Variants in PCDHGA7 observed in about 807,000 individuals in gnomAD.
PCDHGA7 encodes protocadherin gamma subfamily A, 7.
A neutral mutation model predicts 58.3 loss-of-function variants in PCDHGA7; 44 were observed. The observed-to-expected ratio is 0.75, with a 90% CI of 0.59 to 0.97. The LOEUF is 0.97. Ranked by LOEUF, PCDHGA7 falls within the 50% of genes least tolerant of loss-of-function variation. The pLI, the probability that PCDHGA7 is intolerant of heterozygous loss-of-function variation, is 0.00. For synonymous variants in PCDHGA7, 516 were observed against 504.2 expected (o/e 1.02, Z -0.31); for missense variants, 1,266 against 1,188.7 (o/e 1.06, Z -0.96).
intron 1 of PCDHGA7, chr5:141,415,040 CG>C (rs878992043): frequency 6.2e-7 from 1 of 1,613,520 alleles, no homozygotes; most frequent in East Asian, 2.2e-5. Flanking sequence ...GGACTCTTCG[CG>C]GTGGGGGAGC....
chr5:141,418,513 G>A (rs377653202), intron 1 of PCDHGA7: 1 of 1,613,960 alleles, frequency 6.2e-7, no homozygotes, highest in Non-Finnish European at 8.5e-7. Flanking sequence ...TAGATGGTGG[G>A]GACCCTCCCC....
chr5:141,488,634 G>A (rs937680420), intron 1 of PCDHGA7, among the ~76,000 whole-genome samples: 4 of 152,150 alleles, frequency 2.6e-5, no homozygotes, highest in Non-Finnish European at 4.4e-5. Context: ...CACCTTAGCA[G>A]CATTCAGCAG....
chr5:141,415,690 G>C (rs1218128531), intron 1 of PCDHGA7: 4 of 1,512,972 alleles, frequency 2.6e-6, no homozygotes, highest in Non-Finnish European at 3.6e-6. Context: ...CATGATGGTG[G>C]AAAGTGTAAA....
intron 1 of PCDHGA7, chr5:141,390,094 T>G: frequency 1.2e-6 from 2 of 1,614,048 alleles, no homozygotes; most frequent in Non-Finnish European, 1.7e-6. Flanking sequence ...GAATCCGTGG[T>G]TCCCCCCAAC....
intron 1 of PCDHGA7, among the ~76,000 whole-genome samples, chr5:141,405,786 T>C (rs72790035): frequency 0.064 from 9,727 of 151,196 alleles, 364 homozygotes; most frequent in African/African-American, 0.1. Context: ...CCCTTAACTT[T>C]CTATTATAGT....
Position 141,415,510 on chromosome 5 carries a change from T to C in PCDHGA7, c.2424+30187T>C, listed in dbSNP as rs780820182. On this transcript the variant is annotated intron_variant, in intron 1 of 3. Coordinates refer to ENST00000518325, the MANE Select transcript of PCDHGA7 (RefSeq NM_018920.4). ...TCACCTGATCTTCCCCCAGCCCAAT[T>C]ATGCGGACACGCTCATCAGCCAGGA... The C allele has an allele frequency of 2.5e-6, 4 of 1,614,088 alleles. No homozygotes were observed. The African/African-American group carries it at 5.3e-5, about 22-fold the overall frequency.
At chr5:141,427,776 G>T (rs3828681) in intron 1 of PCDHGA7, 8 of 1,424,704 alleles carry the variant, frequency 5.6e-6, no homozygotes, top group Non-Finnish European at 9.8e-7. Context: ...GGAGCTGCGG[G>T]CACTGTCGTC....
rs764729742 is a variant in PCDHGA7 at position 141,450,826 on chromosome 5, A to ATTT, written c.2425-43979_2425-43978insTTT. On this transcript the variant is annotated intron_variant, in intron 1 of 3. Coordinates refer to ENST00000518325, the MANE Select transcript of PCDHGA7 (RefSeq NM_018920.4). ...TATTTATTTATTTAATATTATTATT[A>ATTT]TTATTTTTTTTTTTTTGAGATGGGG... 5.5e-3 allele frequency among the ~76,000 whole-genome samples: 742 copies of ATTT among 134,318 alleles called. 10 individuals are homozygous for ATTT. The highest frequency in any genetic ancestry group is 0.013 in the Middle Eastern group (3 of 230). 88.1% of individuals were successfully genotyped at this position (134,318 alleles called of 152,430 possible).
intron 1 of PCDHGA7, chr5:141,405,200 C>T (rs1458944760): frequency 2.5e-6 from 4 of 1,613,508 alleles, no homozygotes; most frequent in Non-Finnish European, 3.4e-6. Flanking sequence ...TCGAGCTTTC[C>T]TACAGACCTA....
At chr5:141,415,372 G>A in intron 1 of PCDHGA7, 1 of 1,614,252 alleles carries the variant, frequency 6.2e-7, no homozygotes, top group Non-Finnish European at 8.5e-7. Flanking sequence ...GCAGGCTTCA[G>A]GAGGCGGCTT....
chr5:141,419,276 C>G (rs1361651445), intron 1 of PCDHGA7: 1 of 1,613,920 alleles, frequency 6.2e-7, no homozygotes, highest in African/African-American at 1.3e-5. Flanking sequence ...CTCCATAGCG[C>G]AAGTCAGTGC....
At position 141,511,411 on chromosome 5, in the gene PCDHGA7, A is replaced by G; in HGVS notation, c.*238A>G. On this transcript the variant is annotated 3_prime_UTR_variant, in exon 4 of 4. Coordinates refer to ENST00000518325, the MANE Select transcript of PCDHGA7 (RefSeq NM_018920.4). ...GAACCCCCATCCAATCAACTGCTGT[A>G]CCCATGGGGGTAGTGGGGTTACTGT... The G allele has an allele frequency of 1.1e-6, 1 of 901,334 alleles. No homozygotes were observed. Among genetic ancestry groups the G allele is most frequent in the Non-Finnish European group, 1.6e-6 (1 of 617,750 alleles). The allele number at this position is 901,334 out of a possible 1,614,324, so 55.8% of individuals were successfully genotyped here. A position where few individuals can be genotyped will look rare whatever the true frequency, so the allele number is the denominator to read the frequency against.
chr5:141,467,602 A>G (rs981250164), intron 1 of PCDHGA7, among the ~76,000 whole-genome samples: 3 of 152,216 alleles, frequency 2.0e-5, no homozygotes, highest in Non-Finnish European at 4.4e-5. Flanking sequence ...TAAGCACTTC[A>G]TCTTTGTCCC....
chr5:141,383,574 C>CG lies in PCDHGA7; in HGVS notation c.676dup (p.Ala226GlyfsTer12). On this transcript the variant is annotated frameshift_variant, in exon 1 of 4. Transcript: ENST00000518325. LOFTEE classifies it high-confidence loss of function. ...GCGGCGACCCGCCCCGATCCAGCACCGCCCACATCCAGGTGACAGTGGTGG... is the reference window on the plus strand; with the variant it reads ...GCGGCGACCCGCCCCGATCCAGCACCGGCCCACATCCAGGTGACAGTGGTGG... 1 of 1,613,366 alleles carries CG rather than the reference C, an allele frequency of 6.2e-7. No individual in the cohort carries two copies. The highest frequency in any genetic ancestry group is 1.3e-5 in the African/African-American group (1 of 75,026).
rs778613931 is a variant in PCDHGA7, at chr5:141,385,092, C to T, written c.2193C>T (p.Gly731=). The T allele has an allele frequency of 1.9e-6, 3 of 1,614,210 alleles. No homozygotes were observed. Among genetic ancestry groups the T allele is most frequent in the Admixed American group, 3.3e-5 (2 of 60,032 alleles). ...KSRLLQASEG[G]LANVPTSHFV... Reference sequence around the variant, plus strand: ...GCCTGCTGCAGGCTTCAGAAGGTGGCTTGGCGAACGTGCCCACCTCGCACT... The same window carrying T: ...GCCTGCTGCAGGCTTCAGAAGGTGGTTTGGCGAACGTGCCCACCTCGCACT... Residue 731 remains glycine, a synonymous_variant, in exon 1 of 4, where the codon GGC becomes GGT. Transcript: ENST00000518325.
At position 141,487,128 on chromosome 5, in the gene PCDHGA7, G is replaced by A; in HGVS notation, c.2425-7679G>A. The A allele has an allele frequency of 6.2e-7, 1 of 1,614,086 alleles. No individual in the cohort carries two copies. ...GTCATTGTGGTAAAGGATAGTGGTA[G>A]TCCACCACTCTCTACCTCTGTTACT... is the stretch of plus-strand genomic sequence containing the variant. On this transcript the variant is annotated intron_variant, in intron 1 of 3. Transcript: ENST00000518325. This position sits in a 1 kb window ranked among gnomAD's most constrained non-coding sequence, Gnocchi z 5.0.
At chr5:141,394,467 G>A (rs558211393) in intron 1 of PCDHGA7, 3 of 1,614,238 alleles carry the variant, frequency 1.9e-6, no homozygotes, top group Admixed American at 1.7e-5. Flanking sequence ...GAGCCTGTTC[G>A]TGCTGGACCA....
Position 141,385,268 on chromosome 5 carries a change from C to CTT in PCDHGA7, c.2371_2372dup (p.Leu791PhefsTer3), listed in dbSNP as rs1561607550. 1 of 1,613,616 alleles carries CTT rather than the reference C, an allele frequency of 6.2e-7. No homozygotes were observed. Among genetic ancestry groups the CTT allele is most frequent in the Non-Finnish European group, 8.5e-7 (1 of 1,179,508 alleles). ...CAGGAGAGCTGTGAGAAAAATGATTCTTTGCTAACATCCGTAGATTTTCAG... is the reference window on the plus strand; with the variant it reads ...CAGGAGAGCTGTGAGAAAAATGATTCTTTTTGCTAACATCCGTAGATTTTCAG... On this transcript the variant is annotated frameshift_variant, in exon 1 of 4. Coordinates refer to ENST00000518325, the MANE Select transcript of PCDHGA7 (RefSeq NM_018920.4). LOFTEE classifies it high-confidence loss of function.
intron 1 of PCDHGA7, among the ~76,000 whole-genome samples, chr5:141,444,942 A>C (rs1272061494): frequency 6.6e-6 from 1 of 152,082 alleles, no homozygotes; most frequent in Non-Finnish European, 1.5e-5. Flanking sequence ...AGGAGGGAGG[A>C]GGATCATCTT....
Sources: allele counts gnomAD v4.1 joint callset (sites outside exome capture counted in the v4.1 genomes callset), GRCh38; gene constraint gnomAD v4.1.1; non-coding constraint Gnocchi (gnomAD v3.1); transcripts MANE v1.5; gene names NCBI Gene and HGNC (gene_info 2026-07-23, HGNC 2026-07-21).